Variants in GAS7 observed in about 807,000 individuals in gnomAD.
GAS7 encodes the protein growth arrest-specific protein 7.
GAS7 carries 28 observed loss-of-function variants against 71.1 expected under a neutral mutation model. That is an observed-to-expected ratio of 0.39 (90% CI 0.29 to 0.54). The LOEUF is 0.54. Among genes scored for constraint, GAS7 ranks in the 20% least tolerant of loss-of-function variants. The pLI is 0.62. For missense variants in GAS7, 436 were observed against 627.8 expected (o/e 0.69, Z 3.27); for synonymous variants, 258 against 245.8 (o/e 1.05, Z -0.46).
intron 1 of GAS7, among the ~76,000 whole-genome samples, chr17:10,046,845 G>GAAGGA (rs2072976504): frequency 1.8e-5 from 2 of 108,536 alleles, no homozygotes; most frequent in Non-Finnish European, 1.8e-5. Flanking sequence ...AGGAAGGAAG[G>GAAGGA]AAAGAAAAGA....
chr17:10,059,675 C>A lies in GAS7; in HGVS notation c.184-39778G>T, dbSNP rs2073196871. The A allele has an allele frequency of 3.0e-6, 3 of 984,220 alleles. No homozygotes were observed. In the African/African-American group the frequency reaches 5.2e-5, roughly 17 times the overall value. The allele number at this position is 984,220 out of a possible 1,614,324, so 61.0% of individuals were successfully genotyped here. A position where few individuals can be genotyped will look rare whatever the true frequency, so the allele number is the denominator to read the frequency against. On this transcript the variant is annotated intron_variant, in intron 1 of 13. Coordinates refer to ENST00000432992, the MANE Select transcript of GAS7 (RefSeq NM_201433.2). ...TCTGCATCAAAGATAACCAGCAGAG[C>A]CCTGGTTCCAACTCACCTCAGCCTT...
At chr17:9,921,958 CA>C (rs35195748) in intron 11 of GAS7, among the ~76,000 whole-genome samples, 28,649 of 88,942 alleles carry the variant, frequency 0.32, 2,672 homozygotes, top group Non-Finnish European at 0.37. Context: ...GACTCCATCT[CA>C]AAAAAAAAAA....
At position 9,927,290 on chromosome 17, in the gene GAS7, TACACACACAC is replaced by T. The variant is rs371084335; in HGVS notation, c.886-531_886-522del. 5.8e-4 allele frequency among the ~76,000 whole-genome samples: 68 copies of T among 116,938 alleles called. 1 individual carries two copies. Among genetic ancestry groups the T allele is most frequent in the South Asian group, 1.6e-3 (5 of 3,164 alleles). 76.7% of individuals were successfully genotyped at this position (116,938 alleles called of 152,430 possible). A position where few individuals can be genotyped will look rare whatever the true frequency, so the allele number is the denominator to read the frequency against. On this transcript the variant is annotated intron_variant, in intron 9 of 13. Transcript: ENST00000432992. ...ATGGTGAAACCCCATCTCTACTACATACACACACACACACACACACACACACACACACACA... is the reference window on the plus strand; with the variant it reads ...ATGGTGAAACCCCATCTCTACTACATACACACACACACACACACACACACA...
chr17:10,090,371 G>C (rs967726990), intron 1 of GAS7, among the ~76,000 whole-genome samples: 24 of 152,190 alleles, frequency 1.6e-4, no homozygotes, highest in African/African-American at 5.1e-4. Context: ...CAATGTAAAT[G>C]AGAGTATGTG....
intron 5 of GAS7, among the ~76,000 whole-genome samples, chr17:9,958,751 C>T (rs1350588423): frequency 6.6e-6 from 1 of 152,196 alleles, no homozygotes; most frequent in Non-Finnish European, 1.5e-5. Flanking sequence ...GCTGCCTGCT[C>T]CCCTCAGGGA....
intron 1 of GAS7, among the ~76,000 whole-genome samples, chr17:10,042,944 TAG>T (rs1336583626): frequency 2.0e-5 from 3 of 152,104 alleles, no homozygotes; most frequent in Non-Finnish European, 4.4e-5. Context: ...GGGGATGCAG[TAG>T]AGTCTGTTGA....
chr17:10,128,082 C>T (rs1020988811), intron 1 of GAS7, among the ~76,000 whole-genome samples: 1 of 152,206 alleles, frequency 6.6e-6, no homozygotes, highest in Admixed American at 6.5e-5. Context: ...AGCCAGGGCT[C>T]GGCCCTACCC....
At chr17:9,976,934 A>G (rs1186593124) in intron 3 of GAS7, among the ~76,000 whole-genome samples, 1 of 152,250 alleles carries the variant, frequency 6.6e-6, no homozygotes, top group Non-Finnish European at 1.5e-5. Flanking sequence ...ATTTAAACAA[A>G]TCAAATTTAA....
At chr17:10,133,546 C>T (rs1042051498) in intron 1 of GAS7, among the ~76,000 whole-genome samples, 2 of 152,138 alleles carry the variant, frequency 1.3e-5, no homozygotes, top group African/African-American at 4.8e-5. Context: ...ACTCCACATA[C>T]TTATTTGTGG....
intron 2 of GAS7, among the ~76,000 whole-genome samples, chr17:10,006,933 G>T (rs993568434): frequency 7.9e-5 from 12 of 152,112 alleles, no homozygotes; most frequent in African/African-American, 2.4e-4. Flanking sequence ...GTCTTCAATA[G>T]CTCCACCATG....
At chr17:10,029,284 G>A (rs1251794906) in intron 1 of GAS7, among the ~76,000 whole-genome samples, 1 of 152,140 alleles carries the variant, frequency 6.6e-6, no homozygotes, top group Non-Finnish European at 1.5e-5. Flanking sequence ...CACAAGGGAA[G>A]GCAACAGAAA....
chr17:10,060,628 T>C (rs58037450), intron 1 of GAS7, among the ~76,000 whole-genome samples: 6,873 of 152,178 alleles, frequency 0.045, 554 homozygotes, highest in African/African-American at 0.16. Context: ...CTGGGGCTCA[T>C]TTCTAAATGT....
intron 2 of GAS7, among the ~76,000 whole-genome samples, chr17:9,995,245 A>C (rs1163317838): frequency 6.6e-6 from 1 of 152,226 alleles, no homozygotes. Context: ...TCTCCTGGGC[A>C]CCAAGGACAC....
chr17:10,130,130 C>T (rs1160494714), intron 1 of GAS7, among the ~76,000 whole-genome samples: 1 of 150,868 alleles, frequency 6.6e-6, no homozygotes, highest in Admixed American at 6.6e-5. Context: ...GATCGTGCTG[C>T]TGCACTCCAG....
At chr17:10,193,260 CAA>C (rs57261260) in intron 1 of GAS7, among the ~76,000 whole-genome samples, 45 of 113,410 alleles carry the variant, frequency 4.0e-4, no homozygotes, top group Admixed American at 4.8e-4. Flanking sequence ...CCTCTAGAGT[CAA>C]AAAAAAAAAA....
chr17:10,097,621 C>T (rs1473353023), intron 1 of GAS7, among the ~76,000 whole-genome samples: 1 of 152,184 alleles, frequency 6.6e-6, no homozygotes, highest in Non-Finnish European at 1.5e-5. Context: ...AACTCAGGAC[C>T]TCAGAGCCGT....
Position 9,959,215 on chromosome 17 carries a change from T to C in GAS7, c.512A>G (p.Glu171Gly). The change falls in exon 5 of 14, where the codon GAA becomes GGA. Residue 171 changes from glutamate (E) to glycine (G), a missense_variant. Physicochemically the swap from Glu to Gly is moderately conservative, Grantham distance 98 (BLOSUM62 -2). Transcript: ENST00000432992. The surrounding 1 kb of genome is among the most constrained non-coding windows in gnomAD (Gnocchi z 5.0). ...GGAGCCACTTACTGTGATGGTGTTT[T>C]CCTTGCTCTGCTTTTTGCTTGGCGA... ...SSSPSKKQSKENTITINCVTF... is the reference protein window; with the variant it reads ...SSSPSKKQSKGNTITINCVTF... 1 of 1,614,140 alleles carries C rather than the reference T, an allele frequency of 6.2e-7. No homozygotes were observed. Among genetic ancestry groups the C allele is most frequent in the Non-Finnish European group, 8.5e-7 (1 of 1,179,994 alleles).
intron 5 of GAS7, among the ~76,000 whole-genome samples, chr17:9,949,734 A>G (rs2068930441): frequency 6.6e-6 from 1 of 152,060 alleles, no homozygotes; most frequent in Non-Finnish European, 1.5e-5. Flanking sequence ...AAATTCTGCC[A>G]AGGATAATCC....
intron 3 of GAS7, among the ~76,000 whole-genome samples, chr17:9,970,684 T>C (rs533953217): frequency 2.0e-5 from 3 of 152,202 alleles, no homozygotes; most frequent in Admixed American, 2.0e-4. Flanking sequence ...GCTCTAAAAT[T>C]CTACCCTTAT....
Sources: gnomAD v4.1 joint callset for allele counts (sites outside exome capture counted in the v4.1 genomes callset) on GRCh38, gnomAD v4.1.1 for gene constraint, Gnocchi (gnomAD v3.1) non-coding constraint, MANE v1.5 for transcripts, NCBI Gene and HGNC (gene_info 2026-07-23, HGNC 2026-07-21) for gene names.